The following TRIM32 variants were observed in gnomAD, a reference collection of about 807,000 sequenced individuals.
The protein encoded by TRIM32 is E3 ubiquitin-protein ligase TRIM32.
TRIM32 carries 19 observed loss-of-function variants against 36.0 expected under a neutral mutation model. The observed-to-expected ratio is 0.53, with a 90% CI of 0.37 to 0.77. The LOEUF is 0.77. TRIM32 is among the 30% of genes least tolerant of loss of function. The pLI, the probability that TRIM32 is intolerant of heterozygous loss-of-function variation, is 0.00. For missense variants in TRIM32, 747 were observed against 845.2 expected (o/e 0.88, Z 1.44); for synonymous variants, 309 against 318.5 (o/e 0.97, Z 0.32).
At chr9:116,692,749 T>A (rs1860635564) in intron 1 of TRIM32, among the ~76,000 whole-genome samples, 1 of 152,182 alleles carries the variant, frequency 6.6e-6, no homozygotes, top group African/African-American at 2.4e-5. Flanking sequence ...AGTTTTCTCA[T>A]CTATTTTACA....
Position 116,699,692 on chromosome 9 carries a change from T to C in TRIM32, c.1950T>C (p.Tyr650=), listed in dbSNP as rs1273018123. Residue 650 remains tyrosine (Y), a synonymous_variant, in exon 2 of 2, where the codon TAT becomes TAC. Coordinates refer to ENST00000450136, the MANE Select transcript of TRIM32 (RefSeq NM_012210.4). The surrounding 1 kb of genome is among the most constrained non-coding windows in gnomAD (Gnocchi z 4.2). ...IKIYSYHLRR[Y]STP is the part of the protein sequence containing the mutation. ...TCTACAGCTACCATCTGAGAAGATA[T>C]TCCACCCCATAGGGGATGAGAAATT... 2.5e-6 allele frequency: 4 copies of C among 1,614,200 alleles called. No individual in the cohort carries two copies. The highest frequency in any genetic ancestry group is 1.1e-5 in the South Asian group (1 of 91,084).
chr9:116,695,735 G>C (rs551886146), intron 1 of TRIM32, among the ~76,000 whole-genome samples: 6 of 152,160 alleles, frequency 3.9e-5, no homozygotes, highest in Non-Finnish European at 8.8e-5. Flanking sequence ...TCTGATTTGG[G>C]GTATACGTTG....
Position 116,699,997 on chromosome 9 carries a change from C to T in TRIM32, c.*293C>T. ...TCCAAGGCTTTAGTAGAGAGAGCCA[C>T]TTTAGCCCTTTGTGCCATGTTTGAA... On this transcript the variant is annotated 3_prime_UTR_variant, in exon 2 of 2. Transcript: ENST00000450136. This position sits in a 1 kb window ranked among gnomAD's most constrained non-coding sequence, Gnocchi z 4.2. 2.1e-6 allele frequency: 1 copy of T among 470,996 alleles called. No individual in the cohort carries two copies. The highest frequency in any genetic ancestry group is 3.9e-6 in the Non-Finnish European group (1 of 255,488). 29.2% of individuals were successfully genotyped at this position (470,996 alleles called of 1,614,324 possible).
rs1860639098 is a variant in TRIM32, at chr9:116,692,807, A to G, written c.-81-4855A>G. Among the ~76,000 whole-genome samples, 3 of 152,162 alleles carry G rather than the reference A, an allele frequency of 2.0e-5. No homozygotes were observed. In the South Asian group the frequency reaches 6.2e-4, roughly 32 times the overall value. On this transcript the variant is annotated intron_variant, in intron 1 of 1. Coordinates refer to ENST00000450136, the MANE Select transcript of TRIM32 (RefSeq NM_012210.4). ...TCCCCTTTTGCCCAGGCTGAAGTAC[A>G]GTAGCATCATCACAGCTCACTGCAA...
rs1448307456 is a variant in TRIM32, at chr9:116,699,531, A to G, written c.1789A>G (p.Lys597Glu). 5.0e-6 allele frequency: 8 copies of G among 1,614,052 alleles called. No homozygotes were observed. Among genetic ancestry groups the G allele is most frequent in the African/African-American group, 1.3e-5 (1 of 74,912 alleles). ...GDLIVADSSR[K>E]EILHFPKGGG... ...TCTCATCGTGGCTGACAGTAGTCGC[A>G]AGGAAATTCTCCATTTTCCTAAGGG... The change falls in exon 2 of 2, where the codon AAG becomes GAG. Residue 597 changes from lysine to glutamate, a missense_variant. Physicochemically the swap from Lys to Glu is moderately conservative, Grantham distance 56. Transcript: ENST00000450136. This position sits in a 1 kb window ranked among gnomAD's most constrained non-coding sequence, Gnocchi z 4.2.
rs398124253 is a variant in TRIM32 at position 116,698,420 on chromosome 9, C to T, written c.678C>T (p.Tyr226=). Residue 226 remains tyrosine (Y), a synonymous_variant, in exon 2 of 2, where the codon TAC becomes TAT. Coordinates refer to ENST00000450136, the MANE Select transcript of TRIM32 (RefSeq NM_012210.4). The surrounding 1 kb of genome is among the most constrained non-coding windows in gnomAD (Gnocchi z 4.4). ...GTCAAGTGGTAGAGGAGCAGAGTTA[C>T]CTGCTTAACATTGCAGAGGTGCAGG... ...SNSQVVEEQS[Y]LLNIAEVQAV... is the part of the protein sequence containing the mutation. 14 of 1,614,004 alleles carry T rather than the reference C, an allele frequency of 8.7e-6. No individual in the cohort carries two copies. Among genetic ancestry groups the T allele is most frequent in the Non-Finnish European group, 1.2e-5 (14 of 1,180,044 alleles).
rs1316309743 is a variant in TRIM32 at position 116,700,898 on chromosome 9, A to G, written c.*1194A>G. 1.2e-5 allele frequency: 2 copies of G among 166,996 alleles called. No individual in the cohort carries two copies. Among genetic ancestry groups the G allele is most frequent in the Admixed American group, 6.5e-5 (1 of 15,296 alleles). The allele number at this position is 166,996 out of a possible 1,614,324, so 10.3% of individuals were successfully genotyped here. On this transcript the variant is annotated 3_prime_UTR_variant, in exon 2 of 2. Transcript: ENST00000450136. ...AGGTCAAAATTCAGCCAAAAGCACT[A>G]TTATGTAAAGATAATAATCCAAATC...
intron 1 of TRIM32, among the ~76,000 whole-genome samples, chr9:116,693,051 G>A (rs1302938949): frequency 6.6e-6 from 1 of 152,108 alleles, no homozygotes; most frequent in Non-Finnish European, 1.5e-5. Context: ...TATATGCCAT[G>A]AAAGGAAAGG....
Position 116,699,442 on chromosome 9 carries a change from A to T in TRIM32, c.1700A>T (p.His567Leu). The change falls in exon 2 of 2, where the codon CAC becomes CTC. Residue 567 changes from histidine (H) to leucine (L), a missense_variant. Coordinates refer to ENST00000450136, the MANE Select transcript of TRIM32 (RefSeq NM_012210.4). The surrounding 1 kb of genome is among the most constrained non-coding windows in gnomAD (Gnocchi z 4.2). ...GGGCAGCTGGGTCGCCAGATTAGCC[A>T]CTTCTTCTCGGAGAATGAGGATTTC... is the stretch of plus-strand genomic sequence containing the variant. ...PDGQLGRQIS[H>L]FFSENEDFRC... The T allele has an allele frequency of 6.2e-7, 1 of 1,613,608 alleles. No individual in the cohort carries two copies. Among genetic ancestry groups the T allele is most frequent in the Non-Finnish European group, 8.5e-7 (1 of 1,179,840 alleles).
intron 1 of TRIM32, among the ~76,000 whole-genome samples, chr9:116,690,598 G>T (rs1196049935): frequency 6.6e-6 from 1 of 152,076 alleles, no homozygotes; most frequent in African/African-American, 2.4e-5. Context: ...TCATTTCTAG[G>T]TGCCCTTACC....
chr9:116,689,370 A>G (rs1364470698), intron 1 of TRIM32, among the ~76,000 whole-genome samples: 2 of 152,226 alleles, frequency 1.3e-5, no homozygotes, highest in African/African-American at 4.8e-5. Flanking sequence ...GAAGTAAACT[A>G]GCATGCCTAG....
chr9:116,699,959 G>A lies in TRIM32; in HGVS notation c.*255G>A. 1 of 582,502 alleles carries A rather than the reference G, an allele frequency of 1.7e-6. No individual in the cohort carries two copies. The highest frequency in any genetic ancestry group is 3.1e-6 in the Non-Finnish European group (1 of 322,934). The allele number at this position is 582,502 out of a possible 1,614,324, so 36.1% of individuals were successfully genotyped here. ...GATGGTGTTAGCTGAAGTTTGATTA[G>A]CAATTAGGCACTTCCAAGGCTTTAG... On this transcript the variant is annotated 3_prime_UTR_variant, in exon 2 of 2. Transcript: ENST00000450136. This position sits in a 1 kb window ranked among gnomAD's most constrained non-coding sequence, Gnocchi z 4.2.
intron 1 of TRIM32, among the ~76,000 whole-genome samples, chr9:116,693,703 GA>G (rs1454609335): frequency 6.6e-6 from 1 of 152,208 alleles, no homozygotes; most frequent in East Asian, 1.9e-4. Flanking sequence ...TAGCATGTTG[GA>G]TACTCATTCT....
intron 1 of TRIM32, 152 bp from the exon 2 acceptor site, chr9:116,697,510 A>T (rs1860922582): frequency 3.7e-6 from 2 of 547,072 alleles, no homozygotes; most frequent in South Asian, 4.2e-5. Context: ...CCTATCTGTC[A>T]CCCTCACGTG....
rs995707058 is a variant in TRIM32, at chr9:116,687,312, G to A, written c.-151G>A. 7.1e-6 allele frequency: 7 copies of A among 981,860 alleles called. No individual in the cohort carries two copies. The African/African-American group carries it at 8.8e-5, about 12-fold the overall frequency. The allele number at this position is 981,860 out of a possible 1,614,324, so 60.8% of individuals were successfully genotyped here. A position where few individuals can be genotyped will look rare whatever the true frequency, so the allele number is the denominator to read the frequency against. On this transcript the variant is annotated 5_prime_UTR_variant, in exon 1 of 2. Transcript: ENST00000450136. ...TGGCGCCCGGCAAGGGGTGCTCAAC[G>A]GCGCGTGCGCAGAGGGAGGCAGGCG...
At position 116,698,804 on chromosome 9, in the gene TRIM32, G is replaced by T; in HGVS notation, c.1062G>T (p.Gln354His). 5 of 1,614,202 alleles carry T rather than the reference G, an allele frequency of 3.1e-6. No homozygotes were observed. Among genetic ancestry groups the T allele is most frequent in the Non-Finnish European group, 3.4e-6 (4 of 1,180,044 alleles). ...RGPEAASNIQ[Q>H]CLFLKKMGAK... ...CTGAGGCAGCCTCCAATATCCAGCA[G>T]TGCCTCTTTCTCAAGAAGATGGGGG... Residue 354 changes from glutamine (Q) to histidine (H), a missense_variant, in exon 2 of 2, where the codon CAG (glutamine) becomes CAT (histidine). By Grantham distance (24) the Gln-to-His change is conservative. Transcript: ENST00000450136. The surrounding 1 kb of genome is among the most constrained non-coding windows in gnomAD (Gnocchi z 4.4).
intron 1 of TRIM32, among the ~76,000 whole-genome samples, chr9:116,688,094 T>C (rs1344402025): frequency 6.6e-6 from 1 of 151,682 alleles, no homozygotes; most frequent in Non-Finnish European, 1.5e-5. Context: ...AGCAGAAATC[T>C]GGGGTGAGGA....
chr9:116,691,514 G>T (rs557476533), intron 1 of TRIM32, among the ~76,000 whole-genome samples: 1 of 152,316 alleles, frequency 6.6e-6, no homozygotes, highest in South Asian at 2.1e-4. Context: ...ACATAGTTTA[G>T]CTATGTTTAA....
rs931738286 is a variant in TRIM32 at position 116,687,351 on chromosome 9, C to G, written c.-112C>G. The G allele has an allele frequency of 1.5e-6, 1 of 646,276 alleles. No homozygotes were observed. Among genetic ancestry groups the G allele is most frequent in the Non-Finnish European group, 1.9e-6 (1 of 532,308 alleles). The allele number at this position is 646,276 out of a possible 1,614,324, so 40.0% of individuals were successfully genotyped here. A position where few individuals can be genotyped will look rare whatever the true frequency, so the allele number is the denominator to read the frequency against. On this transcript the variant is annotated 5_prime_UTR_variant, in exon 1 of 2. Coordinates refer to ENST00000450136, the MANE Select transcript of TRIM32 (RefSeq NM_012210.4). ...GGGAGGCAGGCGGGTGGGCTGCCGGCGGTGGACTCGTCGGAGCCGCGGGCG... is the reference window on the plus strand; with the variant it reads ...GGGAGGCAGGCGGGTGGGCTGCCGGGGGTGGACTCGTCGGAGCCGCGGGCG...
Sources: allele counts gnomAD v4.1 joint callset (sites outside exome capture counted in the v4.1 genomes callset), GRCh38; gene constraint gnomAD v4.1.1; non-coding constraint Gnocchi (gnomAD v3.1); transcripts MANE v1.5; gene names NCBI Gene and HGNC (gene_info 2026-07-23, HGNC 2026-07-21).